ABTB3: variants seen among roughly 807,000 people sequenced by gnomAD.
ABTB3 encodes the protein ankyrin repeat and BTB domain containing 3, also known as ankyrin repeat- and BTB/POZ domain-containing protein 3.
chr12:107,440,582 T>C, the ABTB3 span, among the ~76,000 whole-genome samples: 2 of 152,190 alleles, frequency 1.3e-5, no homozygotes, highest in Non-Finnish European at 2.9e-5. Flanking sequence ...TTCACGCGTT[T>C]TGATGCACTG....
At chr12:107,472,369 G>A in the ABTB3 span, among the ~76,000 whole-genome samples, 1 of 152,200 alleles carries the variant, frequency 6.6e-6, no homozygotes, top group Non-Finnish European at 1.5e-5. Flanking sequence ...ACAGGACCAA[G>A]GCACTCTGGC....
chr12:107,404,162 C>CAAAAAAAAAA, the ABTB3 span, among the ~76,000 whole-genome samples: 2 of 40,250 alleles, frequency 5.0e-5, no homozygotes, highest in Non-Finnish European at 8.9e-5. Context: ...GACTCTAACT[C>CAAAAAAAAAA]AAAAAAAAAA....
chr12:107,517,646 C>G, the ABTB3 span, among the ~76,000 whole-genome samples: 1 of 152,150 alleles, frequency 6.6e-6, no homozygotes, highest in Admixed American at 6.5e-5. Flanking sequence ...AATGGGAGTT[C>G]ACTCATGATT....
At chr12:107,366,080 C>T in the ABTB3 span, among the ~76,000 whole-genome samples, 171 of 152,348 alleles carry the variant, frequency 1.1e-3, 2 homozygotes, top group East Asian at 0.021. Flanking sequence ...TAGAAGGCTG[C>T]TGAGAGTGTG....
the ABTB3 span, chr12:107,610,046 G>A: frequency 1.1e-6 from 1 of 905,656 alleles, no homozygotes; most frequent in Non-Finnish European, 1.7e-6. Flanking sequence ...GAGACATCCG[G>A]AGGCCATCAT....
At chr12:107,388,126 C>T in the ABTB3 span, among the ~76,000 whole-genome samples, 1 of 152,056 alleles carries the variant, frequency 6.6e-6, no homozygotes, top group Non-Finnish European at 1.5e-5. Flanking sequence ...GCTCCCGCCA[C>T]CACACCTGCT....
the ABTB3 span, among the ~76,000 whole-genome samples, chr12:107,570,589 C>G: frequency 6.6e-6 from 1 of 151,984 alleles, no homozygotes; most frequent in Non-Finnish European, 1.5e-5. Context: ...TTTTGTCAGT[C>G]CATTCTTTTT....
chr12:107,578,037 A>AT, the ABTB3 span, among the ~76,000 whole-genome samples: 1 of 151,962 alleles, frequency 6.6e-6, no homozygotes, highest in South Asian at 2.1e-4. Flanking sequence ...AGAATGCAAG[A>AT]TTTTTTCTTC....
chr12:107,392,836 C>T, the ABTB3 span, among the ~76,000 whole-genome samples: 1 of 152,178 alleles, frequency 6.6e-6, no homozygotes, highest in African/African-American at 2.4e-5. Context: ...AAACAGTAGG[C>T]TGTATTAATC....
chr12:107,568,417 C>T, the ABTB3 span, among the ~76,000 whole-genome samples: 1 of 152,140 alleles, frequency 6.6e-6, no homozygotes, highest in African/African-American at 2.4e-5. Context: ...CCATAGCCCC[C>T]TTCCCACTAC....
At chr12:107,445,329 G>A in the ABTB3 span, among the ~76,000 whole-genome samples, 1 of 152,176 alleles carries the variant, frequency 6.6e-6, no homozygotes, top group Admixed American at 6.5e-5. Flanking sequence ...CACTGAATAG[G>A]CATTTATTGC....
the ABTB3 span, among the ~76,000 whole-genome samples, chr12:107,647,561 A>C: frequency 6.6e-6 from 1 of 152,242 alleles, no homozygotes; most frequent in Non-Finnish European, 1.5e-5. Context: ...TTTTAAAATA[A>C]CTTAAACACA....
chr12:107,450,537 A>G, the ABTB3 span, among the ~76,000 whole-genome samples: 1 of 152,050 alleles, frequency 6.6e-6, no homozygotes, highest in South Asian at 2.1e-4. Context: ...GAAATACACG[A>G]TTATTAGGGA....
the ABTB3 span, among the ~76,000 whole-genome samples, chr12:107,469,874 C>CTTT: frequency 1.1e-5 from 1 of 92,954 alleles, no homozygotes; most frequent in East Asian, 3.5e-4. Flanking sequence ...TCTTTTCTTT[C>CTTT]TTTCTTTCTT....
chr12:107,651,098 C>T, the ABTB3 span, among the ~76,000 whole-genome samples: 1 of 149,362 alleles, frequency 6.7e-6, no homozygotes, highest in Non-Finnish European at 1.5e-5. Flanking sequence ...CAACACACAT[C>T]TGTCGAGCAT....
At chr12:107,408,239 T>C in the ABTB3 span, among the ~76,000 whole-genome samples, 1 of 152,192 alleles carries the variant, frequency 6.6e-6, no homozygotes, top group South Asian at 2.1e-4. Flanking sequence ...GAGAAGTAAT[T>C]TGGAAAGTGT....
the ABTB3 span, among the ~76,000 whole-genome samples, chr12:107,454,292 A>G: frequency 6.6e-6 from 1 of 152,250 alleles, no homozygotes; most frequent in African/African-American, 2.4e-5. Context: ...CGAAATGAGA[A>G]GGTGAGGCCC....
At chr12:107,491,579 T>G in the ABTB3 span, among the ~76,000 whole-genome samples, 1 of 152,004 alleles carries the variant, frequency 6.6e-6, no homozygotes, top group African/African-American at 2.4e-5. Flanking sequence ...TCCCAGCACT[T>G]TGGGGGTCCG....
At chr12:107,361,845 T>C in the ABTB3 span, among the ~76,000 whole-genome samples, 1 of 151,948 alleles carries the variant, frequency 6.6e-6, no homozygotes, top group Non-Finnish European at 1.5e-5. Flanking sequence ...CATGTGAGAG[T>C]ATTAGGAGGT....
Sources: gnomAD v4.1 joint callset for allele counts (sites outside exome capture counted in the v4.1 genomes callset) on GRCh38, gnomAD v4.1.1 for gene constraint, MANE v1.5 for transcripts, NCBI Gene and HGNC (gene_info 2026-07-23, HGNC 2026-07-21) for gene names.